Variants in RAB38 observed in about 807,000 individuals in gnomAD.
The protein encoded by RAB38 is ras-related protein Rab-38.
A neutral mutation model predicts 18.4 loss-of-function variants in RAB38; 15 were observed. The ratio of observed to expected loss-of-function variants is 0.82; its 90% CI spans 0.55 to 1.26. RAB38 has a LOEUF of 1.26. Ranked by LOEUF, RAB38 falls within the 50% of genes most tolerant of loss-of-function variation. RAB38 has a pLI of 0.00. For synonymous variants in RAB38, 101 were observed against 104.4 expected, an observed-to-expected ratio of 0.97 and a Z score of 0.20; for missense variants, 294 against 267.4, an observed-to-expected ratio of 1.10 and a Z score of -0.69.
chr11:88,040,897 C>A, the RAB38 span, among the ~76,000 whole-genome samples: 169 of 152,260 alleles, frequency 1.1e-3, no homozygotes, highest in Middle Eastern at 3.4e-3. Context: ...AAAGATACAG[C>A]CCCTTAAAAT....
chr11:87,881,074 G>A, the RAB38 span, among the ~76,000 whole-genome samples: 1 of 151,740 alleles, frequency 6.6e-6, no homozygotes, highest in South Asian at 2.1e-4. Context: ...TGAGCTCCTG[G>A]GCTCAAGCAA....
the RAB38 span, among the ~76,000 whole-genome samples, chr11:88,077,511 T>A: frequency 6.6e-6 from 1 of 152,038 alleles, no homozygotes; most frequent in African/African-American, 2.4e-5. Flanking sequence ...CATTTACACC[T>A]AACTCATTTC....
At chr11:87,953,844 TGTGTTTTA>T in the RAB38 span, among the ~76,000 whole-genome samples, 1 of 151,686 alleles carries the variant, frequency 6.6e-6, no homozygotes, top group South Asian at 2.1e-4. Flanking sequence ...AGATGGAATC[TGTGTTTTA>T]GTGTTTTTTT....
the RAB38 span, among the ~76,000 whole-genome samples, chr11:87,957,194 G>A: frequency 6.6e-6 from 1 of 152,026 alleles, no homozygotes; most frequent in African/African-American, 2.4e-5. Context: ...CAAGATTCAT[G>A]TCACAAGTTT....
chr11:88,021,522 T>C, the RAB38 span, among the ~76,000 whole-genome samples: 1 of 151,998 alleles, frequency 6.6e-6, no homozygotes. Context: ...GAAGAACTAA[T>C]ACTAATCCTA....
At chr11:87,886,187 G>T in the RAB38 span, among the ~76,000 whole-genome samples, 1 of 151,924 alleles carries the variant, frequency 6.6e-6, no homozygotes, top group Non-Finnish European at 1.5e-5. Flanking sequence ...GTGGCCCTCT[G>T]GCTGGTCCCA....
At chr11:88,016,046 A>AG in the RAB38 span, among the ~76,000 whole-genome samples, 1 of 152,164 alleles carries the variant, frequency 6.6e-6, no homozygotes, top group African/African-American at 2.4e-5. Context: ...AAAAAGCAGC[A>AG]GGGAAAAAAA....
At chr11:87,948,950 T>C in the RAB38 span, among the ~76,000 whole-genome samples, 7 of 152,232 alleles carry the variant, frequency 4.6e-5, no homozygotes, top group African/African-American at 1.7e-4. Context: ...ATTGGAATAG[T>C]CTCAGAAGGA....
the RAB38 span, among the ~76,000 whole-genome samples, chr11:87,941,895 A>G: frequency 6.6e-6 from 1 of 152,122 alleles, no homozygotes; most frequent in Non-Finnish European, 1.5e-5. Flanking sequence ...CTTACCTGTC[A>G]GCAGAAAGAA....
intron 2 of RAB38, among the ~76,000 whole-genome samples, chr11:88,147,296 A>G (rs983532480): frequency 1.3e-5 from 2 of 152,146 alleles, no homozygotes; most frequent in Non-Finnish European, 2.9e-5. Context: ...ATATTTATTG[A>G]CTGAATGAAT....
At chr11:87,884,007 C>T in the RAB38 span, among the ~76,000 whole-genome samples, 4 of 151,866 alleles carry the variant, frequency 2.6e-5, no homozygotes, top group African/African-American at 9.7e-5. Context: ...AAATAGAAAA[C>T]TCATATGCTA....
At chr11:87,968,909 T>TG in the RAB38 span, among the ~76,000 whole-genome samples, 6 of 151,998 alleles carry the variant, frequency 3.9e-5, no homozygotes, top group African/African-American at 1.2e-4. Flanking sequence ...AGTAGGAGGA[T>TG]GGGGGGCAGG....
the RAB38 span, among the ~76,000 whole-genome samples, chr11:87,877,297 A>G: frequency 0.036 from 5,455 of 151,658 alleles, 155 homozygotes; most frequent in African/African-American, 0.072. Flanking sequence ...GGGTGTCATT[A>G]AGTGTCATTA....
the RAB38 span, among the ~76,000 whole-genome samples, chr11:87,831,333 T>C: frequency 1.3e-5 from 2 of 152,152 alleles, no homozygotes; most frequent in African/African-American, 4.8e-5. Context: ...CCATAGTTTA[T>C]GCTTAGCCCC....
the RAB38 span, among the ~76,000 whole-genome samples, chr11:88,040,665 G>A: frequency 1.1e-4 from 17 of 151,904 alleles, no homozygotes; most frequent in African/African-American, 3.1e-4. Flanking sequence ...ACTGCACCAC[G>A]GTACTCCAGC....
the RAB38 span, among the ~76,000 whole-genome samples, chr11:87,913,836 A>T: frequency 6.6e-6 from 1 of 152,214 alleles, no homozygotes; most frequent in East Asian, 1.9e-4. Flanking sequence ...TAGCATGCTC[A>T]GCCCCTTCTG....
At chr11:87,875,888 A>G in the RAB38 span, among the ~76,000 whole-genome samples, 3 of 151,718 alleles carry the variant, frequency 2.0e-5, no homozygotes, top group African/African-American at 7.2e-5. Context: ...TAGATGTTCT[A>G]TATCTACAAT....
the RAB38 span, among the ~76,000 whole-genome samples, chr11:87,829,801 A>G: frequency 6.6e-6 from 1 of 152,206 alleles, no homozygotes; most frequent in African/African-American, 2.4e-5. Flanking sequence ...AGTGAGGTAT[A>G]AGGACAGAGG....
intron 2 of RAB38, among the ~76,000 whole-genome samples, chr11:88,114,413 TATTTTCAC>T (rs1222317988): frequency 2.6e-5 from 4 of 152,220 alleles, no homozygotes; most frequent in Non-Finnish European, 4.4e-5. Flanking sequence ...GCAATTTTCT[TATTTTCAC>T]ATTTTCACAT....
Sources: gnomAD v4.1 joint callset for allele counts (sites outside exome capture counted in the v4.1 genomes callset) on GRCh38, gnomAD v4.1.1 for gene constraint, MANE v1.5 for transcripts, NCBI Gene and HGNC (gene_info 2026-07-23, HGNC 2026-07-21) for gene names.